SPSB4: variants seen among roughly 807,000 people sequenced by gnomAD.
SPSB4 encodes splA/ryanodine receptor domain and SOCS box containing 4.
A neutral mutation model predicts 20.9 loss-of-function variants in SPSB4; 21 were observed. The observed-to-expected ratio is 1.01, with a 90% confidence interval of 0.71 to 1.45. The LOEUF is 1.45. Among genes scored for constraint, SPSB4 ranks in the 40% most tolerant of loss-of-function variants. The pLI, the probability that SPSB4 is intolerant of heterozygous loss-of-function variation, is 0.00. For missense variants in SPSB4, 399 were observed against 399.2 expected (o/e 1.00, Z 0.00); for synonymous variants, 207 against 183.8 (o/e 1.13, Z -1.02).
At chr3:141,071,307 A>G (rs1056524819) in intron 2 of SPSB4, among the ~76,000 whole-genome samples, 2 of 152,002 alleles carry the variant, frequency 1.3e-5, no homozygotes, top group Admixed American at 6.6e-5. Context: ...GCTTTGTCTC[A>G]CATCTCGGAG....
rs564972241 is a variant in SPSB4, at chr3:141,135,516, C to T, written c.695-11626C>T. Among the ~76,000 whole-genome samples, 215 of 150,798 alleles carry T rather than the reference C, an allele frequency of 1.4e-3. 1 individual carries two copies. In the Middle Eastern group the frequency reaches 0.017, roughly 12 times the overall value. ...CCTCCCCCCACCCCACACCAGTCCCCGGTGTGTGATGTTCCCCTTCCTGTG... is the reference window on the plus strand; with the variant it reads ...CCTCCCCCCACCCCACACCAGTCCCTGGTGTGTGATGTTCCCCTTCCTGTG... On this transcript the variant is annotated intron_variant, in intron 2 of 2. Transcript: ENST00000310546.
At chr3:141,074,490 G>T (rs1938065092) in intron 2 of SPSB4, among the ~76,000 whole-genome samples, 1 of 152,190 alleles carries the variant, frequency 6.6e-6, no homozygotes, top group Non-Finnish European at 1.5e-5. Context: ...ATCTGTGGTG[G>T]TTTGGATGGT....
At chr3:141,102,087 A>AT (rs1172669052) in intron 2 of SPSB4, among the ~76,000 whole-genome samples, 2 of 152,186 alleles carry the variant, frequency 1.3e-5, no homozygotes, top group Non-Finnish European at 2.9e-5. Context: ...TCATTCCTTC[A>AT]TCTAAGACTA....
At chr3:141,090,275 A>C (rs1344335269) in intron 2 of SPSB4, among the ~76,000 whole-genome samples, 1 of 152,270 alleles carries the variant, frequency 6.6e-6, no homozygotes. Context: ...CTGAGGACAC[A>C]AAACAGCAGG....
chr3:141,093,889 A>G lies in SPSB4; in HGVS notation c.694+27091A>G, dbSNP rs573962238. ...TGCCTTGGCCCCCTCTTCTAATACC[A>G]CACAGGTCTCCCATGTGACCTTGTT... On this transcript the variant is annotated intron_variant, in intron 2 of 2. Coordinates refer to ENST00000310546, the MANE Select transcript of SPSB4 (RefSeq NM_080862.3). Among the ~76,000 whole-genome samples, 6 of 152,032 alleles carry G rather than the reference A, an allele frequency of 3.9e-5. No homozygotes were observed. The South Asian group carries it at 6.2e-4, about 16-fold the overall frequency.
At chr3:141,097,688 G>A (rs1938565494) in intron 2 of SPSB4, among the ~76,000 whole-genome samples, 1 of 152,088 alleles carries the variant, frequency 6.6e-6, no homozygotes, top group Non-Finnish European at 1.5e-5. Flanking sequence ...AATGGTCTCT[G>A]GGATCTGCAG....
chr3:141,135,222 T>C (rs1262150935), intron 2 of SPSB4, among the ~76,000 whole-genome samples: 1 of 151,996 alleles, frequency 6.6e-6, no homozygotes, highest in Non-Finnish European at 1.5e-5. Flanking sequence ...ATATGATTTA[T>C]AAGATCAGTT....
chr3:141,106,768 G>A (rs1173845286), intron 2 of SPSB4, among the ~76,000 whole-genome samples: 1 of 152,114 alleles, frequency 6.6e-6, no homozygotes, highest in African/African-American at 2.4e-5. Flanking sequence ...GTGTCTAGTG[G>A]CACCTTAGGG....
At chr3:141,083,051 T>G (rs772605251) in intron 2 of SPSB4, among the ~76,000 whole-genome samples, 2 of 151,926 alleles carry the variant, frequency 1.3e-5, no homozygotes, top group Non-Finnish European at 2.9e-5. Flanking sequence ...TGCACCAGGC[T>G]TTCTAAGTAT....
intron 2 of SPSB4, among the ~76,000 whole-genome samples, chr3:141,136,244 A>C (rs566794597): frequency 6.6e-6 from 1 of 152,060 alleles, no homozygotes; most frequent in Non-Finnish European, 1.5e-5. Context: ...TATTAGCCCT[A>C]TGTCAGATGA....
intron 2 of SPSB4, among the ~76,000 whole-genome samples, chr3:141,118,575 T>C (rs1313517279): frequency 1.3e-5 from 2 of 152,256 alleles, no homozygotes; most frequent in Non-Finnish European, 2.9e-5. Flanking sequence ...CATGCCTATG[T>C]CCTGAATGGT....
At chr3:141,104,115 T>G (rs2107796118) in intron 2 of SPSB4, among the ~76,000 whole-genome samples, 1 of 151,616 alleles carries the variant, frequency 6.6e-6, no homozygotes, top group South Asian at 2.1e-4. Context: ...CCTAGAAGGG[T>G]GTGATTATCT....
intron 2 of SPSB4, among the ~76,000 whole-genome samples, chr3:141,121,892 C>T (rs1186326696): frequency 5.3e-5 from 8 of 152,194 alleles, no homozygotes; most frequent in African/African-American, 9.6e-5. Context: ...TTGTTATTAC[C>T]GACCTTCTGA....
chr3:141,141,868 A>G (rs993543023), intron 2 of SPSB4, among the ~76,000 whole-genome samples: 1 of 152,090 alleles, frequency 6.6e-6, no homozygotes, highest in African/African-American at 2.4e-5. Flanking sequence ...GCACTTTTGT[A>G]TTTCTGTGGT....
At chr3:141,091,414 A>G (rs1938447240) in intron 2 of SPSB4, among the ~76,000 whole-genome samples, 1 of 152,230 alleles carries the variant, frequency 6.6e-6, no homozygotes, top group Admixed American at 6.5e-5. Context: ...GTTTCTATTA[A>G]TGACAGAAAT....
chr3:141,135,916 A>T (rs1469310737), intron 2 of SPSB4, among the ~76,000 whole-genome samples: 1 of 152,218 alleles, frequency 6.6e-6, no homozygotes, highest in Non-Finnish European at 1.5e-5. Flanking sequence ...AGGAATCGCC[A>T]CACTGATTTC....
At chr3:141,084,175 C>T (rs145937090) in intron 2 of SPSB4, among the ~76,000 whole-genome samples, 6 of 152,316 alleles carry the variant, frequency 3.9e-5, no homozygotes, top group Non-Finnish European at 7.4e-5. Flanking sequence ...AGTAGGCACA[C>T]GATAAATACT....
chr3:141,090,186 G>A (rs1576526736), intron 2 of SPSB4, among the ~76,000 whole-genome samples: 1 of 152,198 alleles, frequency 6.6e-6, no homozygotes, highest in Admixed American at 6.5e-5. Context: ...ATGTGTCCAT[G>A]AGAAAGTCCA....
chr3:141,066,845 C>A (rs1170982299), intron 2 of SPSB4, 47 bp downstream of exon 2: 1 of 1,481,836 alleles, frequency 6.7e-7, no homozygotes, highest in African/African-American at 1.4e-5. Context: ...GGCTGCCAGG[C>A]CCTAGGGAAG....
Sources: allele counts gnomAD v4.1 joint callset (sites outside exome capture counted in the v4.1 genomes callset), GRCh38; gene constraint gnomAD v4.1.1; transcripts MANE v1.5; gene names NCBI Gene and HGNC (gene_info 2026-07-23, HGNC 2026-07-21).